TXNRD3: variants seen among roughly 807,000 people sequenced by gnomAD.
TXNRD3 encodes the protein thioredoxin reductase 3.
TXNRD3 carries 68 observed loss-of-function variants against 78.2 expected under a neutral mutation model. The observed-to-expected ratio is 0.87, with a 90% confidence interval of 0.72 to 1.06. The LOEUF is 1.06. Ranked by LOEUF, TXNRD3 falls within the 50% of genes least tolerant of loss-of-function variation. The pLI is 0.00. For missense variants in TXNRD3, 751 were observed against 809.5 expected, an observed-to-expected ratio of 0.93 and a Z score of 0.88; for synonymous variants, 296 against 300.1, an observed-to-expected ratio of 0.99 and a Z score of 0.14.
chr3:126,614,891 A>C (rs1249110948), intron 13 of TXNRD3, among the ~76,000 whole-genome samples: 1 of 152,140 alleles, frequency 6.6e-6, no homozygotes, highest in Non-Finnish European at 1.5e-5. Context: ...AAATGATGTA[A>C]GAAAATATTT....
chr3:126,609,615 T>C (rs888679478), intron 14 of TXNRD3, among the ~76,000 whole-genome samples: 2 of 152,110 alleles, frequency 1.3e-5, no homozygotes, highest in Admixed American at 1.3e-4. Context: ...GCTCAAGAAA[T>C]AGGCATGTGG....
At position 126,644,394 on chromosome 3, in the gene TXNRD3, T is replaced by C. The variant is rs1933180679; in HGVS notation, c.422A>G (p.Gln141Arg). 1 of 1,534,726 alleles carries C rather than the reference T, an allele frequency of 6.5e-7. No individual in the cohort carries two copies. Among genetic ancestry groups the C allele is most frequent in the Non-Finnish European group, 8.7e-7 (1 of 1,145,706 alleles). Reference sequence around the variant, plus strand: ...AAGGAGCTTCTGTAACAAACCACTCTGATATGCCTATGGTTTAATTACAGG... The same window carrying C: ...AAGGAGCTTCTGTAACAAACCACTCCGATATGCCTATGGTTTAATTACAGG... Residue 141 changes from glutamine to arginine, a missense_variant, in exon 4 of 16, where the codon CAG becomes CGG. Coordinates refer to ENST00000524230, the MANE Select transcript of TXNRD3 (RefSeq NM_052883.3).
At chr3:126,613,759 C>T (rs1938247021) in intron 13 of TXNRD3, among the ~76,000 whole-genome samples, 1 of 152,176 alleles carries the variant, frequency 6.6e-6, no homozygotes, top group Admixed American at 6.5e-5. Context: ...CTCCAACAGT[C>T]TAACATATAT....
rs142984369 is a variant in TXNRD3, at chr3:126,616,313, T to C, written c.1525-851A>G. Reference sequence around the variant, plus strand: ...ACAGCCCCTTCAAAAGACACCACCATCCACAGCACTGTATGTTCCCCAATC... The same window carrying C: ...ACAGCCCCTTCAAAAGACACCACCACCCACAGCACTGTATGTTCCCCAATC... On this transcript the variant is annotated intron_variant, in intron 12 of 15. Transcript: ENST00000524230. Among the ~76,000 whole-genome samples the C allele has an allele frequency of 2.0e-3, 301 of 152,216 alleles. 2 individuals carry two copies. The highest frequency in any genetic ancestry group is 6.9e-3 in the African/African-American group (286 of 41,542).
chr3:126,633,966 T>G lies in TXNRD3; in HGVS notation c.798A>C (p.Glu266Asp). ...AGGAATTGACATAGGCCACAGCCTT[T>G]TCCCTCAGAGACAACCTGTAGCCCC... is the stretch of plus-strand genomic sequence containing the variant. Residue 266 changes from glutamate to aspartate, a missense_variant, in exon 7 of 16, where the codon GAA becomes GAC. Coordinates refer to ENST00000524230, the MANE Select transcript of TXNRD3 (RefSeq NM_052883.3). 2 of 1,521,766 alleles carry G rather than the reference T, an allele frequency of 1.3e-6. No individual in the cohort carries two copies. The highest frequency in any genetic ancestry group is 1.8e-6 in the Non-Finnish European group (2 of 1,138,470). 94.3% of individuals were successfully genotyped at this position (1,521,766 alleles called of 1,614,324 possible).
rs1425312378 is a variant in TXNRD3, at chr3:126,644,298, T to C, written c.518A>G (p.Lys173Arg). 1 of 1,535,864 alleles carries C rather than the reference T, an allele frequency of 6.5e-7. No homozygotes were observed. Among genetic ancestry groups the C allele is most frequent in the East Asian group, 2.4e-5 (1 of 40,902 alleles). The change falls in exon 4 of 16, where the codon AAG becomes AGG. Residue 173 changes from lysine (K) to arginine (R), a missense_variant and splice_region_variant. Lys to Arg is a conservative substitution (Grantham distance 26). Coordinates refer to ENST00000524230, the MANE Select transcript of TXNRD3 (RefSeq NM_052883.3). ...CGAGTTTCATTTCTATATTCATACC[T>C]TCGCACATGAAAGGCCTCCAGAACC...
Position 126,639,885 on chromosome 3 carries a change from C to T in TXNRD3, c.712+2147G>A, listed in dbSNP as rs541728290. Among the ~76,000 whole-genome samples the T allele has an allele frequency of 2.7e-4, 41 of 152,170 alleles. No homozygotes were observed. The South Asian group carries it at 3.3e-3, about 12-fold the overall frequency. On this transcript the variant is annotated intron_variant, in intron 6 of 15. Transcript: ENST00000524230. ...CTGGGATTATAGGTGTGAGTCACTA[C>T]GCCCAACCAGAAGAAGGATTCTTGA...
intron 1 of TXNRD3, 27 bp downstream of exon 1, chr3:126,654,721 G>T (rs1341815306): frequency 3.1e-6 from 4 of 1,271,704 alleles, no homozygotes; most frequent in Non-Finnish European, 4.0e-6. Context: ...GGTCGCGCGC[G>T]GTGGAACCGG....
intron 12 of TXNRD3, 45 bp from the exon 13 acceptor site, chr3:126,615,507 T>C (rs1336886676): frequency 4.7e-6 from 5 of 1,068,968 alleles, no homozygotes; most frequent in African/African-American, 1.6e-5. Flanking sequence ...TGAAACTTTA[T>C]AGCAAAAATC....
Position 126,654,914 on chromosome 3 carries a change from C to T in TXNRD3, c.77G>A (p.Arg26Gln), listed in dbSNP as rs560810488. Residue 26 changes from arginine (R) to glutamine (Q), a missense_variant, in exon 1 of 16, where the codon CGA becomes CAA. By Grantham distance (43) the Arg-to-Gln change is conservative. Transcript: ENST00000524230. ...CGGCGGCGACAACACGCGCGCCCCT[C>T]GGACATGGCCCGAGCGGCGGTTGGG... 5.5e-3 allele frequency: 7,068 copies of T among 1,295,096 alleles called. 33 individuals carry two copies. Among genetic ancestry groups the T allele is most frequent in the Non-Finnish European group, 5.7e-3 (5,871 of 1,028,310 alleles). 80.2% of individuals were successfully genotyped at this position (1,295,096 alleles called of 1,614,324 possible).
chr3:126,622,354 A>G, intron 11 of TXNRD3, 110 bp downstream of exon 11: 1 of 730,956 alleles, frequency 1.4e-6, no homozygotes, highest in Non-Finnish European at 2.1e-6. Context: ...CACTGAACTT[A>G]TAAGATAAAT....
intron 1 of TXNRD3, among the ~76,000 whole-genome samples, chr3:126,649,187 GAA>G (rs1933314631): frequency 1.3e-5 from 2 of 152,154 alleles, no homozygotes; most frequent in Admixed American, 1.3e-4. Flanking sequence ...GAAAGCACTT[GAA>G]TATAGATTTC....
At chr3:126,620,871 T>G (rs1414942725) in intron 12 of TXNRD3, among the ~76,000 whole-genome samples, 3 of 152,218 alleles carry the variant, frequency 2.0e-5, no homozygotes, top group Non-Finnish European at 4.4e-5. Context: ...GGACAATTTT[T>G]CTTTGCATGA....
At chr3:126,629,593 G>T in intron 9 of TXNRD3, 122 bp from the exon 10 acceptor site, 1 of 653,848 alleles carries the variant, frequency 1.5e-6, no homozygotes, top group Non-Finnish European at 2.5e-6. Context: ...TATAATAGGT[G>T]TTAGTATAAG....
At chr3:126,648,100 T>C (rs904178660) in intron 1 of TXNRD3, among the ~76,000 whole-genome samples, 1 of 151,668 alleles carries the variant, frequency 6.6e-6, no homozygotes, top group Non-Finnish European at 1.5e-5. Context: ...AAAATAGAAA[T>C]TGAGAAAAAA....
chr3:126,633,936 T>C lies in TXNRD3; in HGVS notation c.828A>G (p.Gly276=). Reference sequence around the variant, plus strand: ...TTATTTTATGATGTTCAACAAATTCTCCATAGGAATTGACATAGGCCACAG... The same window carrying C: ...TTATTTTATGATGTTCAACAAATTCCCCATAGGAATTGACATAGGCCACAG... Residue 276 remains glycine, a synonymous_variant, in exon 7 of 16, where the codon GGA becomes GGG. Transcript: ENST00000524230. 1 of 1,512,292 alleles carries C rather than the reference T, an allele frequency of 6.6e-7. No individual in the cohort carries two copies. The highest frequency in any genetic ancestry group is 2.1e-5 in the Admixed American group (1 of 47,294). The allele number at this position is 1,512,292 out of a possible 1,614,324, so 93.7% of individuals were successfully genotyped here. A position where few individuals can be genotyped will look rare whatever the true frequency, so the allele number is the denominator to read the frequency against.
intron 6 of TXNRD3, among the ~76,000 whole-genome samples, chr3:126,637,974 C>G (rs1015345869): frequency 2.0e-5 from 2 of 99,176 alleles, no homozygotes; most frequent in Admixed American, 1.4e-4. Flanking sequence ...GAGATGGAGT[C>G]TCACTGTCGC....
At chr3:126,646,290 G>T in intron 2 of TXNRD3, 70 bp from the exon 3 acceptor site, 1 of 1,222,660 alleles carries the variant, frequency 8.2e-7, no homozygotes, top group Non-Finnish European at 1.1e-6. Context: ...TAAACAAAGT[G>T]TTACAACACT....
chr3:126,654,480 C>G (rs1389633179), intron 1 of TXNRD3, among the ~76,000 whole-genome samples: 1 of 152,220 alleles, frequency 6.6e-6, no homozygotes, highest in Non-Finnish European at 1.5e-5. Context: ...ACAACCTTCC[C>G]GTACCTTCGT....
Sources: gnomAD v4.1 joint callset for allele counts (sites outside exome capture counted in the v4.1 genomes callset) on GRCh38, gnomAD v4.1.1 for gene constraint, MANE v1.5 for transcripts, NCBI Gene and HGNC (gene_info 2026-07-23, HGNC 2026-07-21) for gene names.